The following ARHGAP22 variants were observed in gnomAD, a reference collection of about 807,000 sequenced individuals.
ARHGAP22 encodes rho GTPase-activating protein 22.
ARHGAP22 carries 48 observed loss-of-function variants against 59.1 expected under a neutral mutation model. The observed-to-expected ratio is 0.81, with a 90% CI of 0.64 to 1.03. The LOEUF (loss-of-function observed/expected upper bound fraction) is 1.03, where lower values mean the gene tolerates loss of function less well. Among genes scored for constraint, ARHGAP22 ranks in the 50% least tolerant of loss-of-function variants. The pLI, the probability that ARHGAP22 is intolerant of heterozygous loss-of-function variation, is 0.00. For missense variants in ARHGAP22, 1,015 were observed against 958.7 expected (o/e 1.06, Z -0.78); for synonymous variants, 445 against 416.4 (o/e 1.07, Z -0.84).
intron 1 of ARHGAP22, among the ~76,000 whole-genome samples, chr10:48,616,838 C>T (rs2061098971): frequency 6.6e-6 from 1 of 152,046 alleles, no homozygotes; most frequent in African/African-American, 2.4e-5. Flanking sequence ...TAAAGTGAGT[C>T]CTTCAGGCTA....
At chr10:48,573,378 A>C (rs1251851449) in intron 2 of ARHGAP22, among the ~76,000 whole-genome samples, 1 of 152,188 alleles carries the variant, frequency 6.6e-6, no homozygotes, top group Non-Finnish European at 1.5e-5. Flanking sequence ...AGCTAGAACC[A>C]TCCTGGTTAC....
At chr10:48,519,180 C>T (rs2053577464) in intron 3 of ARHGAP22, among the ~76,000 whole-genome samples, 1 of 152,216 alleles carries the variant, frequency 6.6e-6, no homozygotes. Context: ...AGCAGAACAG[C>T]AGAACCGGTC....
intron 8 of ARHGAP22, 186 bp from the exon 9 acceptor site, chr10:48,451,326 G>C (rs2045924588): frequency 4.8e-6 from 4 of 829,626 alleles, no homozygotes; most frequent in Non-Finnish European, 8.0e-6. Flanking sequence ...AGGCAGGACA[G>C]CAGGATGGGG....
intron 3 of ARHGAP22, among the ~76,000 whole-genome samples, chr10:48,509,870 T>G (rs1041927403): frequency 2.6e-5 from 4 of 152,128 alleles, no homozygotes; most frequent in Non-Finnish European, 5.9e-5. Context: ...TCATCAGAAA[T>G]CACTTTATTA....
intron 3 of ARHGAP22, among the ~76,000 whole-genome samples, chr10:48,490,603 A>G (rs1463692260): frequency 6.6e-6 from 1 of 152,202 alleles, no homozygotes; most frequent in Non-Finnish European, 1.5e-5. Flanking sequence ...GCTTCTATCA[A>G]ACTAGCTCCT....
At chr10:48,562,238 G>A (rs1233037666) in intron 2 of ARHGAP22, among the ~76,000 whole-genome samples, 1 of 143,608 alleles carries the variant, frequency 7.0e-6, no homozygotes. Context: ...AAAAAAAAAA[G>A]AAAAAAGAGT....
At chr10:48,479,792 G>A (rs763298385) in intron 3 of ARHGAP22, 28 bp from the exon 4 acceptor site, 14 of 1,545,026 alleles carry the variant, frequency 9.1e-6, no homozygotes, top group East Asian at 4.6e-5. Flanking sequence ...ACAGGCTTAC[G>A]CAGGGTCCCT....
chr10:48,463,796 C>A (rs779089247), intron 4 of ARHGAP22, among the ~76,000 whole-genome samples: 29 of 152,194 alleles, frequency 1.9e-4, no homozygotes, highest in Non-Finnish European at 3.7e-4. Flanking sequence ...TGCCCAGAGC[C>A]ACATGCTGGG....
At chr10:48,639,383 C>T (rs969763180) in intron 1 of ARHGAP22, among the ~76,000 whole-genome samples, 2 of 152,176 alleles carry the variant, frequency 1.3e-5, no homozygotes, top group African/African-American at 4.8e-5. Context: ...AACTCTAAGA[C>T]TGAGGGCATG....
At chr10:48,583,381 G>A (rs1044189697) in intron 1 of ARHGAP22, among the ~76,000 whole-genome samples, 2 of 152,216 alleles carry the variant, frequency 1.3e-5, no homozygotes, top group African/African-American at 4.8e-5. Flanking sequence ...TGCCCACCTG[G>A]TTAGTTTCTG....
chr10:48,469,630 C>G (rs10857576), intron 4 of ARHGAP22, among the ~76,000 whole-genome samples: 26,492 of 152,160 alleles, frequency 0.17, 3,170 homozygotes, highest in East Asian at 0.69. Context: ...ATGAGCTTAC[C>G]CTGGAGGTGG....
chr10:48,595,508 A>G (rs760075501), intron 1 of ARHGAP22, among the ~76,000 whole-genome samples: 2 of 152,078 alleles, frequency 1.3e-5, no homozygotes, highest in Non-Finnish European at 2.9e-5. Context: ...TTGTTTATAT[A>G]TATGTGTATA....
At chr10:48,602,647 A>G (rs2060452884) in intron 1 of ARHGAP22, among the ~76,000 whole-genome samples, 1 of 152,190 alleles carries the variant, frequency 6.6e-6, no homozygotes, top group African/African-American at 2.4e-5. Flanking sequence ...CACTCAAAAA[A>G]CACAGGTTGA....
chr10:48,605,755 C>G (rs2060646757), upstream of ARHGAP22, among the ~76,000 whole-genome samples: 1 of 152,166 alleles, frequency 6.6e-6, no homozygotes, highest in Non-Finnish European at 1.5e-5. Context: ...GAGGCTGGTG[C>G]TTTACATTCA....
intron 2 of ARHGAP22, among the ~76,000 whole-genome samples, chr10:48,579,256 G>C (rs1431950915): frequency 2.0e-5 from 3 of 152,046 alleles, no homozygotes; most frequent in Admixed American, 2.0e-4. Context: ...ACAAATAAAG[G>C]ACCGAGATAA....
rs764771379 is a variant in ARHGAP22 at position 48,450,363 on chromosome 10, G to A, written c.1766C>T (p.Thr589Ile). Residue 589 changes from threonine (T) to isoleucine (I), a missense_variant, in exon 9 of 10, where the codon ACC (threonine) becomes ATC (isoleucine). Transcript: ENST00000249601. ...NSEPSEPDSP[T>I]REHARRSEAL... ...CTCGGAGCGGCGCGCGTGTTCCCGGGTGGGGCTGTCCGGCTCGCTGGGCTC... is the reference window on the plus strand; with the variant it reads ...CTCGGAGCGGCGCGCGTGTTCCCGGATGGGGCTGTCCGGCTCGCTGGGCTC... The A allele has an allele frequency of 5.4e-5, 85 of 1,587,304 alleles. No individual in the cohort carries two copies. The highest frequency in any genetic ancestry group is 1.1e-5 in the South Asian group (1 of 87,466).
chr10:48,587,837 C>A (rs1588999101), intron 1 of ARHGAP22, among the ~76,000 whole-genome samples: 1 of 152,324 alleles, frequency 6.6e-6, no homozygotes, highest in East Asian at 1.9e-4. Context: ...AGGGCTGGTG[C>A]ACATTAGGAG....
At position 48,604,882 on chromosome 10, in the gene ARHGAP22, T is replaced by G; in HGVS notation, c.-86A>C. ...GCTCGTCCTCGCGCCTAGTCGCCCC[T>G]CATGTCCTGCTCGTTCGGGGCCCCG... is the stretch of plus-strand genomic sequence containing the variant. On this transcript the variant is annotated 5_prime_UTR_variant, in exon 1 of 10. Transcript: ENST00000249601. The G allele has an allele frequency of 4.4e-6, 7 of 1,605,290 alleles. No individual in the cohort carries two copies. The highest frequency in any genetic ancestry group is 5.9e-6 in the Non-Finnish European group (7 of 1,177,296).
At chr10:48,516,486 C>T (rs978409807) in intron 3 of ARHGAP22, among the ~76,000 whole-genome samples, 1 of 152,042 alleles carries the variant, frequency 6.6e-6, no homozygotes, top group Non-Finnish European at 1.5e-5. Context: ...CATGATTGTA[C>T]CACTGGACTC....
Sources: allele counts gnomAD v4.1 joint callset (sites outside exome capture counted in the v4.1 genomes callset), GRCh38; gene constraint gnomAD v4.1.1; transcripts MANE v1.5; gene names NCBI Gene and HGNC (gene_info 2026-07-23, HGNC 2026-07-21).